The following LRCH1 variants were observed in gnomAD, a reference collection of about 807,000 sequenced individuals.
LRCH1 encodes leucine-rich repeat and calponin homology domain-containing protein 1.
In LRCH1, 23 loss-of-function variants were observed where a neutral mutation model predicts 94.9. The ratio of observed to expected loss-of-function variants is 0.24; its 90% CI spans 0.17 to 0.34. The LOEUF (loss-of-function observed/expected upper bound fraction) is 0.34, where lower values mean the gene tolerates loss of function less well. Among genes scored for constraint, LRCH1 ranks in the 10% least tolerant of loss-of-function variants. The pLI is 1.00. For missense variants in LRCH1, 790 were observed against 945.9 expected (o/e 0.84, Z 2.16); for synonymous variants, 364 against 354.9 (o/e 1.03, Z -0.29).
chr13:46,722,566 T>C (rs1872631089), intron 16 of LRCH1, among the ~76,000 whole-genome samples: 1 of 152,246 alleles, frequency 6.6e-6, no homozygotes, highest in South Asian at 2.1e-4. Flanking sequence ...TTACTATTCT[T>C]GGAAGTCGTA....
At chr13:46,573,135 T>G (rs1479973022) in intron 1 of LRCH1, among the ~76,000 whole-genome samples, 3 of 152,226 alleles carry the variant, frequency 2.0e-5, no homozygotes, top group Non-Finnish European at 4.4e-5. Flanking sequence ...ACTTATTCAT[T>G]TGCTTCTTTA....
intron 1 of LRCH1, among the ~76,000 whole-genome samples, chr13:46,605,685 T>C (rs2050679737): frequency 6.6e-6 from 1 of 152,244 alleles, no homozygotes; most frequent in Non-Finnish European, 1.5e-5. Flanking sequence ...AGAAGTTGGG[T>C]ATTTCTTCAT....
At chr13:46,731,717 G>A (rs556395519) in intron 18 of LRCH1, among the ~76,000 whole-genome samples, 20 of 152,144 alleles carry the variant, frequency 1.3e-4, no homozygotes, top group Admixed American at 5.9e-4. Context: ...CGCTGTAGCC[G>A]TAGAACCTGC....
intron 1 of LRCH1, among the ~76,000 whole-genome samples, chr13:46,634,330 C>T (rs544094991): frequency 1.2e-3 from 187 of 152,346 alleles, no homozygotes; most frequent in African/African-American, 4.0e-3. Flanking sequence ...CTGGCGAATC[C>T]TCCTTTCTGT....
chr13:46,749,607 A>AT (rs35809899), downstream of LRCH1, among the ~76,000 whole-genome samples: 12 of 151,548 alleles, frequency 7.9e-5, no homozygotes, highest in South Asian at 4.2e-4. Flanking sequence ...AATAAATACA[A>AT]TTTTTTTTTT....
At chr13:46,566,512 T>A (rs1043210218) in intron 1 of LRCH1, among the ~76,000 whole-genome samples, 1 of 152,210 alleles carries the variant, frequency 6.6e-6, no homozygotes, top group Non-Finnish European at 1.5e-5. Context: ...CTTTCAGTTC[T>A]CAGAACACCC....
intron 1 of LRCH1, among the ~76,000 whole-genome samples, chr13:46,617,333 T>C (rs2138015514): frequency 6.6e-6 from 1 of 152,364 alleles, no homozygotes; most frequent in East Asian, 1.9e-4. Context: ...GACCAGTTAC[T>C]AACTCGCTGT....
chr13:46,681,689 T>C (rs2051752427), intron 3 of LRCH1, 52 bp from the exon 4 acceptor site: 1 of 1,266,546 alleles, frequency 7.9e-7, no homozygotes, highest in Non-Finnish European at 1.2e-6. Flanking sequence ...CATGAAATGC[T>C]TGATTTCCTG....
intron 1 of LRCH1, among the ~76,000 whole-genome samples, chr13:46,596,774 T>C (rs1161264560): frequency 6.6e-6 from 1 of 152,242 alleles, no homozygotes; most frequent in Non-Finnish European, 1.5e-5. Context: ...AGGTGGTAGA[T>C]GCTGGTAGTC....
At chr13:46,722,389 T>A (rs978419844) in intron 16 of LRCH1, among the ~76,000 whole-genome samples, 1 of 152,238 alleles carries the variant, frequency 6.6e-6, no homozygotes, top group African/African-American at 2.4e-5. Context: ...AGTTTAAGTC[T>A]GCCCTGGGCT....
chr13:46,689,246 A>C (rs753692593), intron 7 of LRCH1, 50 bp downstream of exon 7: 1 of 1,432,248 alleles, frequency 7.0e-7, no homozygotes, highest in Non-Finnish European at 9.8e-7. Context: ...AGACATATCT[A>C]CCAGTGTTCA....
chr13:46,678,343 G>A lies in LRCH1; in HGVS notation c.580-3398G>A, dbSNP rs193282255. The stretch of plus-strand genomic sequence containing the variant: ...ACCCATGGGGTTTTATTTTTGTGAT[G>A]AATTTATAACCTTTTTAAAACGTGG... On this transcript the variant is annotated intron_variant, in intron 3 of 19. Transcript: ENST00000389797. Among the ~76,000 whole-genome samples, 5 of 152,304 alleles carry A rather than the reference G, an allele frequency of 3.3e-5. No individual in the cohort carries two copies. The East Asian group carries it at 9.6e-4, about 29-fold the overall frequency.
intron 15 of LRCH1, among the ~76,000 whole-genome samples, chr13:46,712,824 G>GA (rs1258214874): frequency 6.6e-6 from 1 of 152,106 alleles, no homozygotes; most frequent in Non-Finnish European, 1.5e-5. Flanking sequence ...TCCGAGCAAA[G>GA]AAAAAACAGG....
At chr13:46,727,854 A>T (rs1269232731) in intron 17 of LRCH1, among the ~76,000 whole-genome samples, 1 of 152,166 alleles carries the variant, frequency 6.6e-6, no homozygotes, top group Non-Finnish European at 1.5e-5. Flanking sequence ...TTTTTAAAAG[A>T]AGGACAAAGA....
At chr13:46,644,860 T>C (rs1204232726) in intron 1 of LRCH1, among the ~76,000 whole-genome samples, 1 of 152,204 alleles carries the variant, frequency 6.6e-6, no homozygotes, top group African/African-American at 2.4e-5. Context: ...TAGAATAGCA[T>C]AATTAAAAAT....
chr13:46,720,523 T>A (rs1290565993), intron 16 of LRCH1, among the ~76,000 whole-genome samples: 3 of 151,180 alleles, frequency 2.0e-5, no homozygotes, highest in Non-Finnish European at 4.4e-5. Flanking sequence ...GAAAAATACA[T>A]GCTCACAGTG....
intron 3 of LRCH1, among the ~76,000 whole-genome samples, chr13:46,676,440 C>G (rs539603781): frequency 6.6e-6 from 1 of 152,198 alleles, no homozygotes; most frequent in Admixed American, 6.5e-5. Context: ...ATTATTTAAT[C>G]CTTACCTGTT....
chr13:46,750,877 A>C (rs1267255094), exon 19 of LRCH1: 1 of 389,834 alleles, frequency 2.6e-6, no homozygotes, highest in African/African-American at 2.1e-5. Flanking sequence ...AGGGAGCTGG[A>C]GGAAAAAAAA....
intron 1 of LRCH1, among the ~76,000 whole-genome samples, chr13:46,646,249 G>C (rs1431237902): frequency 6.6e-6 from 1 of 152,134 alleles, no homozygotes; most frequent in Admixed American, 6.5e-5. Flanking sequence ...GAGTAAGAAT[G>C]CTGATGGGAG....
Sources: gnomAD v4.1 joint callset for allele counts (sites outside exome capture counted in the v4.1 genomes callset) on GRCh38, gnomAD v4.1.1 for gene constraint, MANE v1.5 for transcripts, NCBI Gene and HGNC (gene_info 2026-07-23, HGNC 2026-07-21) for gene names.